The following EP400 variants were observed in gnomAD, a reference collection of about 807,000 sequenced individuals.
The protein encoded by EP400 is E1A binding protein p400.
EP400 carries 105 observed loss-of-function variants against 354.1 expected under a neutral mutation model. The observed-to-expected ratio is 0.30, with a 90% CI of 0.25 to 0.35. The LOEUF (loss-of-function observed/expected upper bound fraction) is 0.35. EP400 is among the 10% of genes least tolerant of loss of function. The pLI is 1.00. For missense variants in EP400, 3,280 were observed against 4,121.0 expected, an observed-to-expected ratio of 0.80 and a Z score of 5.59; for synonymous variants, 1,646 against 1,716.9, an observed-to-expected ratio of 0.96 and a Z score of 1.02.
intron 51 of EP400, among the ~76,000 whole-genome samples, chr12:132,073,079 T>G (rs1485525888): frequency 6.6e-6 from 1 of 152,212 alleles, no homozygotes; most frequent in Non-Finnish European, 1.5e-5. Context: ...TTTCCATCTC[T>G]GACTCTTACC....
At chr12:131,986,343 G>A (rs1025275110) in intron 5 of EP400, among the ~76,000 whole-genome samples, 171 bp from the exon 6 acceptor site, 2 of 152,252 alleles carry the variant, frequency 1.3e-5, no homozygotes, top group African/African-American at 4.8e-5. Flanking sequence ...TATTATTTGT[G>A]GACACGTTAG....
At position 132,017,094 on chromosome 12, in the gene EP400, G is replaced by A. The variant is rs989835842; in HGVS notation, c.3924-441G>A. 2.0e-5 allele frequency among the ~76,000 whole-genome samples: 3 copies of A among 152,214 alleles called. No individual in the cohort carries two copies. The highest frequency in any genetic ancestry group is 1.9e-4 in the East Asian group (1 of 5,188). ...TGCCCCCTTCACTGGGTGGTAAGCC[G>A]CACAGGGCATGGACCTGGGTCCTCG... On this transcript the variant is annotated intron_variant, in intron 19 of 52. Coordinates refer to ENST00000389561, the MANE Select transcript of EP400 (RefSeq NM_015409.5). This position sits in a 1 kb window ranked among gnomAD's most constrained non-coding sequence, Gnocchi z 5.0.
At chr12:132,041,591 A>T (rs7399344) in intron 32 of EP400, among the ~76,000 whole-genome samples, 1 of 151,978 alleles carries the variant, frequency 6.6e-6, no homozygotes, top group African/African-American at 2.4e-5. Context: ...GACGTGATGG[A>T]GTGGTTCATT....
rs1392682620 is a variant in EP400, at chr12:132,080,067, C to CTAT, written c.*2395_*2397dup. The CTAT allele has an allele frequency of 6.6e-6, 1 of 152,244 alleles. No homozygotes were observed. Among genetic ancestry groups the CTAT allele is most frequent in the Non-Finnish European group, 1.5e-5 (1 of 68,044 alleles). The allele number at this position is 152,244 out of a possible 1,614,324, so 9.4% of individuals were successfully genotyped here. A position where few individuals can be genotyped will look rare whatever the true frequency, so the allele number is the denominator to read the frequency against. On this transcript the variant is annotated 3_prime_UTR_variant, in exon 53 of 53. Transcript: ENST00000389561. Reference sequence around the variant, plus strand: ...GAGTTGGAAACTTTGAGAACACAGACTATAAAGGCAGCAGCCCGAACACTG... The same window carrying CTAT: ...GAGTTGGAAACTTTGAGAACACAGACTATTATAAAGGCAGCAGCCCGAACACTG...
At position 132,062,636 on chromosome 12, in the gene EP400, G is replaced by A. The variant is rs754456126; in HGVS notation, c.8269G>A (p.Val2757Ile). Residue 2757 changes from valine to isoleucine, a missense_variant, in exon 47 of 53, where the codon GTT (valine) becomes ATT (isoleucine). Physicochemically the swap from Val to Ile is conservative, Grantham distance 29 (BLOSUM62 3). Coordinates refer to ENST00000389561, the MANE Select transcript of EP400 (RefSeq NM_015409.5). ...QQTTTTSQVQ[V>I]PQIQGQAQSP... Reference sequence around the variant, plus strand: ...GACGACGACGACCTCTCAGGTGCAAGTTCCACAGATCCAGGGCCAGGCCCA... The same window carrying A: ...GACGACGACGACCTCTCAGGTGCAAATTCCACAGATCCAGGGCCAGGCCCA... 1.2e-6 allele frequency: 2 copies of A among 1,613,138 alleles called. No individual in the cohort carries two copies. The highest frequency in any genetic ancestry group is 1.1e-5 in the South Asian group (1 of 91,056).
chr12:132,021,715 C>T (rs1268568040), intron 23 of EP400, among the ~76,000 whole-genome samples: 2 of 152,230 alleles, frequency 1.3e-5, no homozygotes, highest in Non-Finnish European at 2.9e-5. Flanking sequence ...AGGTCGCTTC[C>T]TTGCCAGTCA....
intron 45 of EP400, among the ~76,000 whole-genome samples, chr12:132,058,731 G>A (rs1434737951): frequency 6.6e-6 from 1 of 151,970 alleles, no homozygotes; most frequent in Non-Finnish European, 1.5e-5. Context: ...AAATTAACGT[G>A]CTCCTACGTA....
At chr12:131,978,200 G>T (rs1188758536) in intron 2 of EP400, among the ~76,000 whole-genome samples, 1 of 152,182 alleles carries the variant, frequency 6.6e-6, no homozygotes, top group East Asian at 1.9e-4. Context: ...GTTCACAGCA[G>T]AATTGAGAGG....
At position 132,030,302 on chromosome 12, in the gene EP400, A is replaced by C; in HGVS notation, c.5754+144A>C. 6 of 969,304 alleles carry C rather than the reference A, an allele frequency of 6.2e-6. No homozygotes were observed. The East Asian group carries it at 1.5e-4, about 25-fold the overall frequency. 60.0% of individuals were successfully genotyped at this position (969,304 alleles called of 1,614,324 possible). A position where few individuals can be genotyped will look rare whatever the true frequency, so the allele number is the denominator to read the frequency against. Reference sequence around the variant, plus strand: ...GAGCTTCTGAACTTTTTAAAGTCTCAATCCATCCTTCGATATTTTTTATTA... The same window carrying C: ...GAGCTTCTGAACTTTTTAAAGTCTCCATCCATCCTTCGATATTTTTTATTA... On this transcript the variant is annotated intron_variant, in intron 29 of 52. Coordinates refer to ENST00000389561, the MANE Select transcript of EP400 (RefSeq NM_015409.5).
chr12:132,044,677 G>A lies in EP400; in HGVS notation c.6592G>A (p.Val2198Ile). 2 of 1,614,214 alleles carry A rather than the reference G, an allele frequency of 1.2e-6. No homozygotes were observed. The highest frequency in any genetic ancestry group is 1.7e-6 in the Non-Finnish European group (2 of 1,180,046). Residue 2198 changes from valine to isoleucine, a missense_variant, in exon 36 of 53, where the codon GTC (valine) becomes ATC (isoleucine). By Grantham distance (29) the Val-to-Ile change is conservative. Transcript: ENST00000389561. ...TREDAYSMEY[V>I]YEDVDGQTEV... ...CTTGCCGTGTTCCCTACAGGAGTAT[G>A]TCTACGAAGATGTCGATGGGCAGAC... is the stretch of plus-strand genomic sequence containing the variant.
chr12:132,061,509 C>T (rs1895693238), intron 45 of EP400, among the ~76,000 whole-genome samples: 1 of 152,192 alleles, frequency 6.6e-6, no homozygotes, highest in African/African-American at 2.4e-5. Flanking sequence ...GGCATGATTG[C>T]GTTTGCCTTC....
Position 132,020,229 on chromosome 12 carries a change from C to A in EP400, c.4447+11C>A. 1 of 1,591,516 alleles carries A rather than the reference C, an allele frequency of 6.3e-7. No individual in the cohort carries two copies. Among genetic ancestry groups the A allele is most frequent in the Non-Finnish European group, 8.6e-7 (1 of 1,168,250 alleles). On this transcript the variant is annotated intron_variant, in intron 22 of 52. Coordinates refer to ENST00000389561, the MANE Select transcript of EP400 (RefSeq NM_015409.5). ...ATCCGGAGGCAAAAGGTAGACTTCACGTAGTTGTCTGCTCTCCGCCTTATG... is the reference window on the plus strand; with the variant it reads ...ATCCGGAGGCAAAAGGTAGACTTCAAGTAGTTGTCTGCTCTCCGCCTTATG...
In EP400 at chr12:132,018,267, G is replaced by C; in HGVS notation, c.4168G>C (p.Glu1390Gln). 6.2e-7 allele frequency: 1 copy of C among 1,613,814 alleles called. No individual in the cohort carries two copies. Among genetic ancestry groups the C allele is most frequent in the Non-Finnish European group, 8.5e-7 (1 of 1,179,938 alleles). Residue 1390 changes from glutamate (E) to glutamine (Q), a missense_variant, in exon 21 of 53, where the codon GAG becomes CAG. Around this residue, in one of 20 missense-constraint regions of EP400, gnomAD observed 342 missense variants for 342.7 expected, o/e 1.00. Coordinates refer to ENST00000389561, the MANE Select transcript of EP400 (RefSeq NM_015409.5). This position sits in a 1 kb window ranked among gnomAD's most constrained non-coding sequence, Gnocchi z 4.0. ...IGLENKITRH[E>Q]AELLSKKKIP... ...CTTAGAAAATAAAATCACTCGTCAC[G>C]AGGCAGAGTTGCTGTCTAAGAAAAA...
intron 30 of EP400, among the ~76,000 whole-genome samples, chr12:132,033,238 G>A (rs1283814651): frequency 2.0e-5 from 3 of 152,140 alleles, no homozygotes; most frequent in East Asian, 3.8e-4. Flanking sequence ...GTGAGCCACC[G>A]CGCCTGGCCT....
chr12:132,010,810 C>T (rs113888105), intron 15 of EP400, among the ~76,000 whole-genome samples: 5 of 152,050 alleles, frequency 3.3e-5, no homozygotes, highest in African/African-American at 4.8e-5. Flanking sequence ...GGCATGATGG[C>T]GTGTGCCTGT....
At chr12:131,963,750 C>T in intron 2 of EP400, 2 of 785,954 alleles carry the variant, frequency 2.5e-6, no homozygotes, top group Non-Finnish European at 3.9e-6. Context: ...TTTCCAGAGC[C>T]CATTTCTTAT....
rs139083893 is a variant in EP400, at chr12:132,017,676, G to A, written c.4065G>A (p.Pro1355=). The A allele has an allele frequency of 9.5e-6, 15 of 1,572,814 alleles. No homozygotes were observed. Among genetic ancestry groups the A allele is most frequent in the African/African-American group, 8.2e-5 (6 of 73,276 alleles). The change falls in exon 20 of 53, where the codon CCG becomes CCA. Residue 1355 remains proline, a synonymous_variant. Transcript: ENST00000389561. The surrounding 1 kb of genome is among the most constrained non-coding windows in gnomAD (Gnocchi z 5.0). ...ACGTGGCGGGGCCACTGGAGTATCC[G>A]TCCGCATCTCTAATCCTGAAGGCAC... ...SSYVAGPLEY[P]SASLILKALE...
intron 32 of EP400, 131 bp from the exon 33 acceptor site, chr12:132,043,173 T>G: frequency 2.2e-6 from 2 of 929,632 alleles, no homozygotes; most frequent in South Asian, 2.0e-5. Flanking sequence ...AGGGAAGGAG[T>G]GGATTACCTT....
At chr12:132,042,049 C>G (rs766560078) in intron 32 of EP400, among the ~76,000 whole-genome samples, 1 of 150,874 alleles carries the variant, frequency 6.6e-6, no homozygotes, top group Non-Finnish European at 1.5e-5. Context: ...CCTCCCAGGT[C>G]AAAGTGATCC....
Sources: allele counts gnomAD v4.1 joint callset (sites outside exome capture counted in the v4.1 genomes callset), GRCh38; gene constraint gnomAD v4.1.1; regional missense constraint gnomAD v4.1.1; non-coding constraint Gnocchi (gnomAD v3.1); transcripts MANE v1.5; gene names NCBI Gene and HGNC (gene_info 2026-07-23, HGNC 2026-07-21).